The following NDC1 variants were observed in gnomAD, a reference collection of about 807,000 sequenced individuals.
NDC1 encodes the protein nucleoporin NDC1.
A neutral mutation model predicts 89.8 loss-of-function variants in NDC1; 24 were observed. The ratio of observed to expected loss-of-function variants is 0.27; its 90% CI spans 0.19 to 0.38. NDC1 has a LOEUF of 0.38. Ranked by LOEUF, NDC1 falls within the 10% of genes least tolerant of loss-of-function variation. The probability of loss-of-function intolerance (pLI) is 1.00; values close to 1 mark genes in which losing one functional copy is unlikely to be tolerated. For missense variants in NDC1, 728 were observed against 797.6 expected (o/e 0.91, Z 1.05); for synonymous variants, 296 against 284.8 (o/e 1.04, Z -0.39).
intron 2 of NDC1, among the ~76,000 whole-genome samples, chr1:53,834,453 A>G (rs1649164937): frequency 6.6e-6 from 1 of 152,228 alleles, no homozygotes; most frequent in South Asian, 2.1e-4. Flanking sequence ...GAAACTTAAC[A>G]CCAATATCTC....
intron 2 of NDC1, among the ~76,000 whole-genome samples, chr1:53,833,437 C>T (rs1398442072): frequency 2.6e-5 from 4 of 151,986 alleles, no homozygotes; most frequent in Non-Finnish European, 5.9e-5. Context: ...CACCCAGCCA[C>T]GCATATGCAA....
chr1:53,827,525 T>C (rs544606207), intron 4 of NDC1, among the ~76,000 whole-genome samples: 1 of 152,338 alleles, frequency 6.6e-6, no homozygotes, highest in East Asian at 1.9e-4. Flanking sequence ...TATACAAGTT[T>C]CAAAATTATA....
intron 15 of NDC1, among the ~76,000 whole-genome samples, chr1:53,787,972 T>C (rs1174567565): frequency 6.6e-6 from 1 of 151,678 alleles, no homozygotes; most frequent in African/African-American, 2.4e-5. Flanking sequence ...ATCTATAAGA[T>C]GAAAAGAAAC....
rs764262039 is a variant in NDC1 at position 53,803,987 on chromosome 1, A to T, written c.1007T>A (p.Met336Lys). 6.2e-7 allele frequency: 1 copy of T among 1,614,082 alleles called. No individual in the cohort carries two copies. Reference sequence around the variant, plus strand: ...TGAAGGAGAATATTGAGAAAGCAACATCAGGTCCTGCAAGGCTAAATACTA... The same window carrying T: ...TGAAGGAGAATATTGAGAAAGCAACTTCAGGTCCTGCAAGGCTAAATACTA... Reference protein sequence around the residue: ...IIKYLALQDLMLLSQYSPSRR... With the variant: ...IIKYLALQDLKLLSQYSPSRR... The change falls in exon 10 of 18, where the codon ATG becomes AAG. Residue 336 changes from methionine to lysine, a missense_variant. Transcript: ENST00000371429.
At chr1:53,795,422 G>A (rs981065007) in intron 13 of NDC1, among the ~76,000 whole-genome samples, 1 of 152,096 alleles carries the variant, frequency 6.6e-6, no homozygotes, top group Admixed American at 6.6e-5. Context: ...TCACCTGGTT[G>A]TCTCATAGGT....
chr1:53,816,511 GA>G (rs1211491412), intron 6 of NDC1, among the ~76,000 whole-genome samples: 10 of 151,660 alleles, frequency 6.6e-5, no homozygotes, highest in Admixed American at 1.3e-4. Context: ...AGATAACATT[GA>G]AAAAAACCCT....
In NDC1 at chr1:53,838,223, C is replaced by G. The variant is rs1013649556; in HGVS notation, c.39G>C (p.Ser13=). The stretch of plus-strand genomic sequence containing the variant: ...CACTCACGCGCCACAGTATGTCCCG[C>G]GACCTGCCGGCGCAGGGCCGGCTCA... ...TAVSRPCAGR[S]RDILWRVLGW... The change falls in exon 1 of 18, where the codon TCG becomes TCC. Residue 13 remains serine (S), a synonymous_variant. Transcript: ENST00000371429. 3 of 1,535,968 alleles carry G rather than the reference C, an allele frequency of 2.0e-6. No homozygotes were observed. The highest frequency in any genetic ancestry group is 2.4e-5 in the East Asian group (1 of 40,844).
At chr1:53,800,442 T>A (rs149497764) in intron 11 of NDC1, among the ~76,000 whole-genome samples, 1,860 of 141,154 alleles carry the variant, frequency 0.013, 27 homozygotes, top group Middle Eastern at 0.056. Context: ...TTCTCCTGCC[T>A]CAGCCTCCTG....
At chr1:53,802,117 T>G (rs1336036595) in intron 10 of NDC1, among the ~76,000 whole-genome samples, 4 of 152,184 alleles carry the variant, frequency 2.6e-5, no homozygotes, top group African/African-American at 7.2e-5. Flanking sequence ...TACTTGAATA[T>G]CTGGTAAAAA....
At chr1:53,801,892 G>A (rs1041611641) in intron 10 of NDC1, among the ~76,000 whole-genome samples, 1 of 152,170 alleles carries the variant, frequency 6.6e-6, no homozygotes, top group African/African-American at 2.4e-5. Context: ...GAGTAGCTGG[G>A]ATTATAGGTG....
chr1:53,832,774 T>A (rs888302615), intron 2 of NDC1, among the ~76,000 whole-genome samples, 183 bp from the exon 3 acceptor site: 7 of 152,172 alleles, frequency 4.6e-5, no homozygotes, highest in Non-Finnish European at 1.0e-4. Flanking sequence ...AACTACAGTG[T>A]GGGCTGGGCA....
At chr1:53,772,587 G>A (rs1461951782) in intron 16 of NDC1, 98 bp from the exon 17 acceptor site, 3 of 1,142,120 alleles carry the variant, frequency 2.6e-6, no homozygotes, top group East Asian at 4.8e-5. Context: ...ACTTTGGAAG[G>A]ACGAGGCGGG....
chr1:53,828,115 C>G lies in NDC1; in HGVS notation c.339G>C (p.Gln113His). ...CATGAATAAATGAGTGCATGAGTTG[C>G]TGAGGATGAATGATCTTCCCTATCA... is the stretch of plus-strand genomic sequence containing the variant. ...LALIGKIIHP[Q>H]QLMHSFIHAA... Residue 113 changes from glutamine to histidine, a missense_variant, in exon 4 of 18, where the codon CAG becomes CAC. By Grantham distance (24) the Gln-to-His change is conservative. Coordinates refer to ENST00000371429, the MANE Select transcript of NDC1 (RefSeq NM_018087.5). The G allele has an allele frequency of 6.2e-7, 1 of 1,614,116 alleles. No homozygotes were observed. Among genetic ancestry groups the G allele is most frequent in the Non-Finnish European group, 8.5e-7 (1 of 1,180,024 alleles).
chr1:53,823,542 A>G (rs1181189), intron 5 of NDC1, among the ~76,000 whole-genome samples: 15,538 of 152,266 alleles, frequency 0.1, 2,481 homozygotes, highest in African/African-American at 0.34. Context: ...ACTCTACTGC[A>G]TATCTGTGGT....
chr1:53,812,404 G>GAA lies in NDC1; in HGVS notation c.704-2659_704-2658insTT, dbSNP rs1280459097. On this transcript the variant is annotated intron_variant, in intron 6 of 17. Coordinates refer to ENST00000371429, the MANE Select transcript of NDC1 (RefSeq NM_018087.5). ...GGAGAAATATTCATAGAAATAGATA[G>GAA]CTTAAAGAAAAAACAATAAAAAATT... Among the ~76,000 whole-genome samples, 149 of 152,262 alleles carry GAA rather than the reference G, an allele frequency of 9.8e-4. 1 individual carries two copies. Among genetic ancestry groups the GAA allele is most frequent in the African/African-American group, 2.8e-3 (117 of 41,570 alleles).
chr1:53,805,189 C>A (rs575045692), intron 9 of NDC1, among the ~76,000 whole-genome samples: 22 of 152,108 alleles, frequency 1.4e-4, no homozygotes, highest in African/African-American at 4.8e-4. Context: ...TTTAGCATTT[C>A]TGTTTGTTTG....
chr1:53,827,300 A>G (rs1167366193), intron 4 of NDC1, among the ~76,000 whole-genome samples: 2 of 151,040 alleles, frequency 1.3e-5, no homozygotes, highest in African/African-American at 2.4e-5. Flanking sequence ...AGGTCTCACT[A>G]TGCTGCCCAG....
At chr1:53,792,576 G>A (rs1647556477) in intron 14 of NDC1, among the ~76,000 whole-genome samples, 1 of 152,178 alleles carries the variant, frequency 6.6e-6, no homozygotes, top group African/African-American at 2.4e-5. Flanking sequence ...AGATAATACT[G>A]CAATATCTGC....
chr1:53,772,320 TAA>T lies in NDC1; in HGVS notation c.1961+7_1961+8del. The T allele has an allele frequency of 1.2e-6, 2 of 1,613,006 alleles. No individual in the cohort carries two copies. Among genetic ancestry groups the T allele is most frequent in the Non-Finnish European group, 1.7e-6 (2 of 1,179,256 alleles). On this transcript the variant is annotated splice_region_variant and intron_variant, in intron 17 of 17. Transcript: ENST00000371429. ...AGGTATCATCATGGATCAAAACAGG[TAA>T]ACTTACTTCAGATGTTCACCAAATG...
Sources: allele counts gnomAD v4.1 joint callset (sites outside exome capture counted in the v4.1 genomes callset), GRCh38; gene constraint gnomAD v4.1.1; transcripts MANE v1.5; gene names NCBI Gene and HGNC (gene_info 2026-07-23, HGNC 2026-07-21).